The following KCND3 variants were observed in gnomAD, a reference collection of about 807,000 sequenced individuals.
The protein encoded by KCND3 is potassium voltage-gated channel subfamily D member 3.
A neutral mutation model predicts 51.1 loss-of-function variants in KCND3; 9 were observed. The observed-to-expected ratio is 0.18, with a 90% CI of 0.11 to 0.31. The LOEUF (loss-of-function observed/expected upper bound fraction) is 0.31, where lower values mean the gene tolerates loss of function less well. Among genes scored for constraint, KCND3 ranks in the 10% least tolerant of loss-of-function variants. KCND3 has a pLI of 1.00. For missense variants in KCND3, 526 were observed against 903.8 expected (o/e 0.58, Z 5.36); for synonymous variants, 349 against 368.0 (o/e 0.95, Z 0.59).
chr1:111,982,898 A>C lies in KCND3; in HGVS notation c.-72-100T>G. 1.1e-6 allele frequency: 1 copy of C among 883,706 alleles called. No homozygotes were observed. The highest frequency in any genetic ancestry group is 1.8e-6 in the Non-Finnish European group (1 of 568,322). The allele number at this position is 883,706 out of a possible 1,614,324, so 54.7% of individuals were successfully genotyped here. On this transcript the variant is annotated intron_variant, in intron 1 of 7. Transcript: ENST00000302127. The surrounding 1 kb of genome is among the most constrained non-coding windows in gnomAD (Gnocchi z 8.5). Reference sequence around the variant, plus strand: ...GGATCACTGGTGAGTGAAACGGCCAAAGTCTCCAGGGCAGATTAATAAAAC... The same window carrying C: ...GGATCACTGGTGAGTGAAACGGCCACAGTCTCCAGGGCAGATTAATAAAAC...
At chr1:111,828,937 T>C (rs1666703803) in intron 2 of KCND3, among the ~76,000 whole-genome samples, 1 of 152,208 alleles carries the variant, frequency 6.6e-6, no homozygotes, top group Non-Finnish European at 1.5e-5. Context: ...AGGGTCACTT[T>C]CCTAGTTCTG....
intron 2 of KCND3, among the ~76,000 whole-genome samples, chr1:111,906,543 T>C (rs1670656493): frequency 6.6e-6 from 1 of 152,230 alleles, no homozygotes; most frequent in Non-Finnish European, 1.5e-5. Context: ...TAAAACAAAA[T>C]GTAACTCTTT....
At chr1:111,907,681 T>C (rs886336074) in intron 2 of KCND3, among the ~76,000 whole-genome samples, 7 of 152,250 alleles carry the variant, frequency 4.6e-5, no homozygotes, top group African/African-American at 1.4e-4. Flanking sequence ...AATTTTGTTA[T>C]ATAGCAATAG....
At chr1:111,917,547 C>T (rs1571847782) in intron 2 of KCND3, among the ~76,000 whole-genome samples, 1 of 152,262 alleles carries the variant, frequency 6.6e-6, no homozygotes, top group East Asian at 1.9e-4. Context: ...TGCCTACTTG[C>T]CTCCGAAGCA....
At chr1:111,890,285 C>T (rs1669769335) in intron 2 of KCND3, among the ~76,000 whole-genome samples, 1 of 152,118 alleles carries the variant, frequency 6.6e-6, no homozygotes, top group African/African-American at 2.4e-5. Context: ...GGGTCAGTTT[C>T]TGAGTGTGCT....
At position 111,897,156 on chromosome 1, in the gene KCND3, C is replaced by T. The variant is rs1340210168; in HGVS notation, c.1106+84465G>A. 3.3e-5 allele frequency among the ~76,000 whole-genome samples: 5 copies of T among 152,312 alleles called. No individual in the cohort carries two copies. The East Asian group carries it at 9.7e-4, about 29-fold the overall frequency. On this transcript the variant is annotated intron_variant, in intron 2 of 7. Coordinates refer to ENST00000302127, the MANE Select transcript of KCND3 (RefSeq NM_001378969.1). Reference sequence around the variant, plus strand: ...CGCCTTCCTACAGCGCTGGCCCTGCCCATGAACTGCAGGACTTTCCTAAGT... The same window carrying T: ...CGCCTTCCTACAGCGCTGGCCCTGCTCATGAACTGCAGGACTTTCCTAAGT...
Position 111,770,712 on chromosome 1 carries a change from G to A in KCND3, c.*5365C>T, listed in dbSNP as rs1288626575. 1 of 152,028 alleles carries A rather than the reference G, an allele frequency of 6.6e-6. No individual in the cohort carries two copies. The highest frequency in any genetic ancestry group is 1.5e-5 in the Non-Finnish European group (1 of 68,010). 9.4% of individuals were successfully genotyped at this position (152,028 alleles called of 1,614,324 possible). ...GTTTAATCCAGATTGGATACATCAG[G>A]TACAGCAGTGGCACACGACTCAATA... On this transcript the variant is annotated 3_prime_UTR_variant, in exon 8 of 8. Coordinates refer to ENST00000302127, the MANE Select transcript of KCND3 (RefSeq NM_001378969.1).
intron 2 of KCND3, among the ~76,000 whole-genome samples, chr1:111,978,623 GCAGGGCAGCC>G (rs1481312872): frequency 1.3e-5 from 2 of 152,190 alleles, no homozygotes; most frequent in Non-Finnish European, 2.9e-5. Flanking sequence ...CCACAGTACT[GCAGGGCAGCC>G]CAGGGAATAG....
chr1:111,859,110 T>C (rs2101685074), intron 2 of KCND3, among the ~76,000 whole-genome samples: 1 of 152,368 alleles, frequency 6.6e-6, no homozygotes, highest in South Asian at 2.1e-4. Context: ...GTCTGTCTCC[T>C]ATTTAAAATG....
intron 3 of KCND3, among the ~76,000 whole-genome samples, chr1:111,781,721 G>A (rs1325445456): frequency 6.6e-6 from 1 of 152,106 alleles, no homozygotes; most frequent in African/African-American, 2.4e-5. Context: ...GTTTCACCAT[G>A]TATCACCATG....
intron 2 of KCND3, among the ~76,000 whole-genome samples, chr1:111,891,302 G>A (rs756829872): frequency 6.6e-6 from 1 of 152,174 alleles, no homozygotes; most frequent in Non-Finnish European, 1.5e-5. Context: ...AGGTGGTTTT[G>A]CTGCAAAGAG....
At chr1:111,850,430 C>T (rs79573498) in intron 2 of KCND3, among the ~76,000 whole-genome samples, 33 of 152,288 alleles carry the variant, frequency 2.2e-4, no homozygotes, top group African/African-American at 7.7e-4. Flanking sequence ...CCCCTCACAG[C>T]TGACCCATAG....
chr1:111,945,584 A>G (rs908004931), intron 2 of KCND3, among the ~76,000 whole-genome samples: 1 of 152,140 alleles, frequency 6.6e-6, no homozygotes, highest in African/African-American at 2.4e-5. Context: ...CAGGACAGCC[A>G]TTTGTGTGGA....
intron 2 of KCND3, among the ~76,000 whole-genome samples, chr1:111,906,964 A>G (rs934763342): frequency 3.9e-5 from 6 of 152,168 alleles, no homozygotes; most frequent in African/African-American, 1.4e-4. Flanking sequence ...TGCAGATTAA[A>G]ACACCCACTC....
chr1:111,772,408 G>T lies in KCND3; in HGVS notation c.*3669C>A, dbSNP rs1319427076. The T allele has an allele frequency of 6.6e-6, 1 of 152,332 alleles. No individual in the cohort carries two copies. The highest frequency in any genetic ancestry group is 2.4e-5 in the African/African-American group (1 of 41,564). 9.4% of individuals were successfully genotyped at this position (152,332 alleles called of 1,614,324 possible). ...TGGTACAGTCAGGTGATTTCCAAGG[G>T]CTGTGTCCAAGTAGTATTGACATAT... On this transcript the variant is annotated 3_prime_UTR_variant, in exon 8 of 8. Coordinates refer to ENST00000302127, the MANE Select transcript of KCND3 (RefSeq NM_001378969.1).
In KCND3 at chr1:111,778,362, G is replaced by A. The variant is rs116457688; in HGVS notation, c.1518+74C>T. ...CACATGCACAGAACCAGGCCGGGGG[G>A]TAAAAAGGGGAGAATCCACAGACTC... On this transcript the variant is annotated intron_variant, in intron 6 of 7. Transcript: ENST00000302127. 6,584 of 1,412,046 alleles carry A rather than the reference G, an allele frequency of 4.7e-3. 196 individuals are homozygous for A. In the African/African-American group the frequency reaches 0.076, roughly 16 times the overall value. 87.5% of individuals were successfully genotyped at this position (1,412,046 alleles called of 1,614,324 possible).
At chr1:111,867,010 TA>T (rs1668609057) in intron 2 of KCND3, among the ~76,000 whole-genome samples, 1 of 152,228 alleles carries the variant, frequency 6.6e-6, no homozygotes, top group African/African-American at 2.4e-5. Flanking sequence ...TTATTGCTTT[TA>T]AGTCCTCGCT....
chr1:111,861,230 G>A (rs1276371098), intron 2 of KCND3, among the ~76,000 whole-genome samples: 1 of 152,144 alleles, frequency 6.6e-6, no homozygotes, highest in Non-Finnish European at 1.5e-5. Flanking sequence ...TTCCTTTAGA[G>A]AAAGGGAAAG....
At chr1:111,968,794 G>A (rs909416439) in intron 2 of KCND3, among the ~76,000 whole-genome samples, 1 of 152,170 alleles carries the variant, frequency 6.6e-6, no homozygotes, top group African/African-American at 2.4e-5. Flanking sequence ...TGGCTGGGCT[G>A]TGATCTCTCT....
Sources: allele counts gnomAD v4.1 joint callset (sites outside exome capture counted in the v4.1 genomes callset), GRCh38; gene constraint gnomAD v4.1.1; non-coding constraint Gnocchi (gnomAD v3.1); transcripts MANE v1.5; gene names NCBI Gene and HGNC (gene_info 2026-07-23, HGNC 2026-07-21).